Variants in ZNF469 observed in about 807,000 individuals in gnomAD.
ZNF469 encodes zinc finger protein 469.
In ZNF469, 1 loss-of-function variant was observed where a neutral mutation model predicts 1.0. That is an observed-to-expected ratio of 1.00 (90% CI 0.35 to 4.73). ZNF469 has a LOEUF of 4.73. Among genes scored for constraint, ZNF469 ranks in the 30% most tolerant of loss-of-function variants. The pLI is 0.16. For synonymous variants in ZNF469, 2,703 were observed against 2,363.4 expected (o/e 1.14, Z -4.17); for missense variants, 6,100 against 5,356.3 (o/e 1.14, Z -4.33).
At chr16:88,132,381 C>T in the ZNF469 span, among the ~76,000 whole-genome samples, 1 of 152,240 alleles carries the variant, frequency 6.6e-6, no homozygotes, top group Non-Finnish European at 1.5e-5. Flanking sequence ...TCATCCCCAT[C>T]GCTCCCTCCT....
the ZNF469 span, among the ~76,000 whole-genome samples, chr16:88,269,166 C>T: frequency 6.6e-6 from 1 of 152,184 alleles, no homozygotes; most frequent in Non-Finnish European, 1.5e-5. Flanking sequence ...GAGCTGGGCT[C>T]CACACCAGTG....
the ZNF469 span, among the ~76,000 whole-genome samples, chr16:88,108,790 C>A: frequency 6.6e-6 from 1 of 152,204 alleles, no homozygotes; most frequent in Non-Finnish European, 1.5e-5. Flanking sequence ...GCCCTCACTC[C>A]CCAAGACCTC....
chr16:88,149,011 C>G, the ZNF469 span, among the ~76,000 whole-genome samples: 1 of 152,216 alleles, frequency 6.6e-6, no homozygotes, highest in African/African-American at 2.4e-5. Context: ...AGGTCAGGCC[C>G]TTCTGGCTGT....
chr16:88,146,883 C>T, the ZNF469 span, among the ~76,000 whole-genome samples: 9 of 151,950 alleles, frequency 5.9e-5, no homozygotes, highest in East Asian at 3.9e-4. Flanking sequence ...CGGAAGAGCA[C>T]GCTGGAAGAG....
the ZNF469 span, among the ~76,000 whole-genome samples, chr16:88,120,875 C>T: frequency 6.6e-6 from 1 of 152,196 alleles, no homozygotes; most frequent in Admixed American, 6.5e-5. Context: ...TCCACTGGAG[C>T]CGCCTGACCT....
intron 1 of ZNF469, among the ~76,000 whole-genome samples, chr16:88,391,485 G>T (rs1387985114): frequency 7.5e-6 from 1 of 133,690 alleles, no homozygotes; most frequent in Non-Finnish European, 1.6e-5. Context: ...AGGGTTGGCT[G>T]TCTCTGCCAC....
Position 88,438,356 on chromosome 16 carries a change from C to T in ZNF469, c.10886C>T (p.Ala3629Val). ...TCAGGGAAACGCAGGGCCCCGGGTG[C>T]CCGTGGCAGGTGTGCCCCTGACCAT... Reference protein sequence around the residue: ...VFSGKRRAPGARGRCAPDHFQ... With the variant: ...VFSGKRRAPGVRGRCAPDHFQ... Residue 3629 changes from alanine (A) to valine (V), a missense_variant, in exon 3 of 3, where the codon GCC (alanine) becomes GTC (valine). Physicochemically the swap from Ala to Val is moderately conservative, Grantham distance 64 (BLOSUM62 0). Transcript: ENST00000565624. The T allele has an allele frequency of 6.5e-7, 1 of 1,550,168 alleles. No homozygotes were observed. The highest frequency in any genetic ancestry group is 8.7e-7 in the Non-Finnish European group (1 of 1,146,938).
chr16:88,400,874 G>A (rs1380888718), intron 1 of ZNF469, among the ~76,000 whole-genome samples: 1 of 151,918 alleles, frequency 6.6e-6, no homozygotes, highest in African/African-American at 2.4e-5. Flanking sequence ...ACCACCACTA[G>A]GGACCAAGCA....
At chr16:88,256,895 C>CTTTCTCTCTTTCTTTCT in the ZNF469 span, among the ~76,000 whole-genome samples, 5 of 51,430 alleles carry the variant, frequency 9.7e-5, no homozygotes, top group African/African-American at 3.4e-4. Flanking sequence ...CTTTTCTTTC[C>CTTTCTCTCTTTCTTTCT]TTCTTTCTTT....
At position 88,430,138 on chromosome 16, in the gene ZNF469, G is replaced by C; in HGVS notation, c.2668G>C (p.Gly890Arg). 1 of 1,550,174 alleles carries C rather than the reference G, an allele frequency of 6.5e-7. No homozygotes were observed. The highest frequency in any genetic ancestry group is 8.7e-7 in the Non-Finnish European group (1 of 1,146,912). Reference sequence around the variant, plus strand: ...CGGACACCCCCTTAAGAGCAAGGCGGGGGTGACTCCAGAGAGCAAAGCTCC... The same window carrying C: ...CGGACACCCCCTTAAGAGCAAGGCGCGGGTGACTCCAGAGAGCAAAGCTCC... ...SSGHPLKSKA[G>R]VTPESKAPPP... Residue 890 changes from glycine to arginine, a missense_variant, in exon 3 of 3, where the codon GGG (glycine) becomes CGG (arginine). Physicochemically the swap from Gly to Arg is moderately radical, Grantham distance 125. Coordinates refer to ENST00000565624, the MANE Select transcript of ZNF469 (RefSeq NM_001367624.2).
chr16:88,264,844 A>G, the ZNF469 span, among the ~76,000 whole-genome samples: 10,092 of 152,164 alleles, frequency 0.066, 688 homozygotes, highest in East Asian at 0.17. Flanking sequence ...CACAGGCGGT[A>G]CTGCTCAGAT....
In ZNF469 at chr16:88,439,289, T is replaced by C; in HGVS notation, c.11819T>C (p.Leu3940Pro). The change falls in exon 3 of 3, where the codon CTA becomes CCA. Residue 3940 changes from leucine (L) to proline (P), a missense_variant. Physicochemically the swap from Leu to Pro is moderately conservative, Grantham distance 98 (BLOSUM62 -3). Coordinates refer to ENST00000565624, the MANE Select transcript of ZNF469 (RefSeq NM_001367624.2). ...DLLSQLFGQR[L>P]TGFKIPLKKD... ...CTCAGCCAGCTCTTCGGGCAGAGAC[T>C]AACTGGCTTCAAAATCCCTTTAAAG... The C allele has an allele frequency of 6.4e-7, 1 of 1,550,434 alleles. No individual in the cohort carries two copies. Among genetic ancestry groups the C allele is most frequent in the Non-Finnish European group, 8.7e-7 (1 of 1,146,992 alleles).
the ZNF469 span, among the ~76,000 whole-genome samples, chr16:88,293,213 G>A: frequency 6.6e-6 from 1 of 151,938 alleles, no homozygotes; most frequent in Admixed American, 6.6e-5. Context: ...TGGGTAGATG[G>A]ATGGATAGGT....
chr16:88,231,562 A>C, the ZNF469 span, among the ~76,000 whole-genome samples: 1 of 151,988 alleles, frequency 6.6e-6, no homozygotes, highest in Admixed American at 6.6e-5. This position sits in a 1 kb window ranked among gnomAD's most constrained non-coding sequence, Gnocchi z 4.5. Context: ...CCTCCAGGGG[A>C]GGGTCCTTTT....
intron 1 of ZNF469, among the ~76,000 whole-genome samples, chr16:88,399,679 A>G (rs1468997048): frequency 1.1e-4 from 16 of 152,236 alleles, no homozygotes; most frequent in Non-Finnish European, 2.9e-5. Flanking sequence ...GTGGCCAGGT[A>G]TGAGCTGAGG....
In ZNF469 at chr16:88,390,198, T is replaced by C. The variant is rs557119191; in HGVS notation, c.-192+6944T>C. Among the ~76,000 whole-genome samples, 651 of 152,222 alleles carry C rather than the reference T, an allele frequency of 4.3e-3. 4 individuals carry two copies. Among genetic ancestry groups the C allele is most frequent in the South Asian group, 9.4e-3 (45 of 4,804 alleles). On this transcript the variant is annotated intron_variant, in intron 1 of 2. Coordinates refer to ENST00000565624, the MANE Select transcript of ZNF469 (RefSeq NM_001367624.2). Reference sequence around the variant, plus strand: ...AGAGGGGCTCACGGAGGTCAGGTGGTCACGGGGTTCAGCTCAGGCCTGTCT... The same window carrying C: ...AGAGGGGCTCACGGAGGTCAGGTGGCCACGGGGTTCAGCTCAGGCCTGTCT...
rs917576461 is a variant in ZNF469 at position 88,436,328 on chromosome 16, C to T, written c.8858C>T (p.Pro2953Leu). 1.3e-6 allele frequency: 2 copies of T among 1,549,672 alleles called. No homozygotes were observed. Among genetic ancestry groups the T allele is most frequent in the South Asian group, 1.2e-5 (1 of 84,052 alleles). The change falls in exon 3 of 3, where the codon CCC (proline) becomes CTC (leucine). Residue 2953 changes from proline (P) to leucine (L), a missense_variant. By Grantham distance (98) the Pro-to-Leu change is moderately conservative (BLOSUM62 -3). Transcript: ENST00000565624. ...AATAGCAGGGTGCCTGGCATTGACCCCTGGGCCCCCGGCCTCAGCCTGTGG... is the reference window on the plus strand; with the variant it reads ...AATAGCAGGGTGCCTGGCATTGACCTCTGGGCCCCCGGCCTCAGCCTGTGG... ...FLNSRVPGID[P>L]WAPGLSLWAL...
At chr16:88,409,127 C>A (rs1905081870) in intron 1 of ZNF469, among the ~76,000 whole-genome samples, 1 of 152,326 alleles carries the variant, frequency 6.6e-6, no homozygotes, top group South Asian at 2.1e-4. Flanking sequence ...ACCAGAGACC[C>A]CGGGAGTGCG....
chr16:88,117,216 A>G, the ZNF469 span, among the ~76,000 whole-genome samples: 3 of 145,576 alleles, frequency 2.1e-5, no homozygotes, highest in South Asian at 6.6e-4. Context: ...GACACGTGAG[A>G]GCTGGGGTCG....
Sources: gnomAD v4.1 joint callset for allele counts (sites outside exome capture counted in the v4.1 genomes callset) on GRCh38, gnomAD v4.1.1 for gene constraint, Gnocchi (gnomAD v3.1) non-coding constraint, MANE v1.5 for transcripts, NCBI Gene and HGNC (gene_info 2026-07-23, HGNC 2026-07-21) for gene names.